The following MYO6 variants were observed in gnomAD, a reference collection of about 807,000 sequenced individuals.
MYO6 encodes the protein unconventional myosin-VI.
In MYO6, 74 loss-of-function variants were observed where a neutral mutation model predicts 178.7. The observed-to-expected ratio is 0.41, with a 90% confidence interval of 0.34 to 0.50. The LOEUF is 0.50. Among genes scored for constraint, MYO6 ranks in the 20% least tolerant of loss-of-function variants. The pLI, the probability that MYO6 is intolerant of heterozygous loss-of-function variation, is 0.09. For synonymous variants in MYO6, 477 were observed against 504.6 expected, an observed-to-expected ratio of 0.95 and a Z score of 0.73; for missense variants, 1,330 against 1,547.4, an observed-to-expected ratio of 0.86 and a Z score of 2.36.
chr6:75,834,198 G>GT (rs35697319), intron 6 of MYO6, among the ~76,000 whole-genome samples: 19,774 of 151,664 alleles, frequency 0.13, 1,361 homozygotes, highest in Non-Finnish European at 0.15. Context: ...TCTGCATTGT[G>GT]TTTTTTTGTT....
intron 24 of MYO6, among the ~76,000 whole-genome samples, chr6:75,886,504 T>C (rs1778443881): frequency 6.6e-6 from 1 of 152,216 alleles, no homozygotes; most frequent in African/African-American, 2.4e-5. Flanking sequence ...TAAATTAGTG[T>C]ATTTCTTATT....
At chr6:75,791,787 T>C (rs1459194556) in intron 1 of MYO6, among the ~76,000 whole-genome samples, 1 of 152,252 alleles carries the variant, frequency 6.6e-6, no homozygotes, top group Non-Finnish European at 1.5e-5. Context: ...CAATTTAAAA[T>C]TGGTTACTTC....
chr6:75,913,974 TA>T, intron 33 of MYO6, 88 bp from the exon 34 acceptor site: 1 of 1,170,756 alleles, frequency 8.5e-7, no homozygotes, highest in East Asian at 2.4e-5. Context: ...TTCTTCTTTT[TA>T]AAAAATTATT....
chr6:75,860,533 T>C (rs1776114759), intron 14 of MYO6, among the ~76,000 whole-genome samples: 1 of 152,234 alleles, frequency 6.6e-6, no homozygotes, highest in South Asian at 2.1e-4. Context: ...GAATTTCAAA[T>C]TGAGTTGTGT....
intron 9 of MYO6, among the ~76,000 whole-genome samples, chr6:75,842,705 T>G (rs913173794): frequency 6.6e-5 from 10 of 152,302 alleles, no homozygotes; most frequent in African/African-American, 2.2e-4. Flanking sequence ...CTATGGTTTT[T>G]AAAAAAGGAA....
chr6:75,807,731 A>G (rs1468513525), intron 1 of MYO6, among the ~76,000 whole-genome samples: 1 of 152,098 alleles, frequency 6.6e-6, no homozygotes, highest in Non-Finnish European at 1.5e-5. Context: ...GCCCATTTTT[A>G]TGTTTATTTC....
intron 30 of MYO6, among the ~76,000 whole-genome samples, chr6:75,902,989 T>G (rs551832371): frequency 2.6e-5 from 4 of 151,866 alleles, no homozygotes; most frequent in Non-Finnish European, 4.4e-5. Flanking sequence ...ATGTACCCAG[T>G]AGTCATTCAG....
intron 30 of MYO6, among the ~76,000 whole-genome samples, chr6:75,902,753 C>A (rs1327359928): frequency 1.3e-5 from 2 of 150,154 alleles, no homozygotes; most frequent in Admixed American, 6.6e-5. Context: ...TTAGTTATTT[C>A]TTGCCTTCTG....
intron 3 of MYO6, among the ~76,000 whole-genome samples, chr6:75,826,025 A>G (rs1208011280): frequency 1.3e-5 from 2 of 152,214 alleles, no homozygotes; most frequent in African/African-American, 4.8e-5. Context: ...AAAGAGTTGC[A>G]TGTAAATAGC....
At chr6:75,876,968 A>G (rs1300223643) in intron 20 of MYO6, among the ~76,000 whole-genome samples, 1 of 152,112 alleles carries the variant, frequency 6.6e-6, no homozygotes, top group African/African-American at 2.4e-5. Flanking sequence ...GTCACCTTTT[A>G]CTAAAATTAC....
At chr6:75,848,739 G>A (rs1244600638) in intron 11 of MYO6, among the ~76,000 whole-genome samples, 1 of 151,982 alleles carries the variant, frequency 6.6e-6, no homozygotes, top group Non-Finnish European at 1.5e-5. Flanking sequence ...CAGTGATATT[G>A]CTTAGGAATA....
chr6:75,841,494 G>A, intron 9 of MYO6, 116 bp downstream of exon 9: 2 of 978,394 alleles, frequency 2.0e-6, no homozygotes, highest in Non-Finnish European at 3.1e-6. Context: ...TTCGAGAGCA[G>A]CCTGGGCAAT....
intron 1 of MYO6, among the ~76,000 whole-genome samples, chr6:75,757,386 TACACATATATATACAC>T (rs1777545776): frequency 6.7e-6 from 1 of 149,230 alleles, no homozygotes. Flanking sequence ...TATATATGTA[TACACATATATATACAC>T]ACACACACAT....
intron 18 of MYO6, 194 bp downstream of exon 18, chr6:75,867,299 T>G (rs1190034416): frequency 1.9e-6 from 1 of 524,634 alleles, no homozygotes; most frequent in Non-Finnish European, 3.3e-6. Flanking sequence ...TGCTTGTAAT[T>G]ATCTGAATGT....
chr6:75,883,267 G>C (rs566975544), intron 23 of MYO6, among the ~76,000 whole-genome samples: 2 of 151,724 alleles, frequency 1.3e-5, no homozygotes, highest in Admixed American at 1.3e-4. Context: ...AACTAAAAAG[G>C]AAGTTTGACA....
At chr6:75,787,448 C>T (rs1253088416) in intron 1 of MYO6, among the ~76,000 whole-genome samples, 2 of 151,978 alleles carry the variant, frequency 1.3e-5, no homozygotes, top group Non-Finnish European at 2.9e-5. Flanking sequence ...ATGCATGAAT[C>T]TCACAAGCAT....
intron 29 of MYO6, among the ~76,000 whole-genome samples, chr6:75,897,028 G>T (rs1281031928): frequency 6.6e-6 from 1 of 152,204 alleles, no homozygotes; most frequent in Non-Finnish European, 1.5e-5. Context: ...GGAGGATAAT[G>T]CATCAGTAGA....
intron 28 of MYO6, 126 bp downstream of exon 28, chr6:75,892,816 A>T: frequency 1.0e-6 from 1 of 980,768 alleles, no homozygotes; most frequent in African/African-American, 1.6e-5. Context: ...TATTTGAGCT[A>T]AAATAATTTT....
Position 75,754,989 on chromosome 6 carries a change from G to A in MYO6, c.-48+5566G>A, listed in dbSNP as rs147110973. ...TCATGCCGGTAATCCCAGCACTTTG[G>A]GAGGCTGAGGTTGGGAGGATCACTT... On this transcript the variant is annotated intron_variant, in intron 1 of 34. Coordinates refer to ENST00000369977, the MANE Select transcript of MYO6 (RefSeq NM_004999.4). 2.0e-3 allele frequency among the ~76,000 whole-genome samples: 297 copies of A among 152,286 alleles called. 2 individuals carry two copies. The highest frequency in any genetic ancestry group is 3.4e-3 in the Middle Eastern group (1 of 294).
Sources: allele counts gnomAD v4.1 joint callset (sites outside exome capture counted in the v4.1 genomes callset), GRCh38; gene constraint gnomAD v4.1.1; transcripts MANE v1.5; gene names NCBI Gene and HGNC (gene_info 2026-07-23, HGNC 2026-07-21).